Variants in FANCC observed in about 807,000 individuals in gnomAD.
FANCC encodes Fanconi anemia group C protein.
A neutral mutation model predicts 71.3 loss-of-function variants in FANCC; 55 were observed. The ratio of observed to expected loss-of-function variants is 0.77; its 90% CI spans 0.62 to 0.97. The LOEUF (loss-of-function observed/expected upper bound fraction) is 0.97, where lower values mean the gene tolerates loss of function less well. Ranked by LOEUF, FANCC falls within the 50% of genes least tolerant of loss-of-function variation. FANCC has a pLI of 0.00. For missense variants in FANCC, 678 were observed against 670.9 expected, an observed-to-expected ratio of 1.01 and a Z score of -0.12; for synonymous variants, 275 against 244.9, an observed-to-expected ratio of 1.12 and a Z score of -1.15.
intron 1 of FANCC, among the ~76,000 whole-genome samples, chr9:95,297,791 C>A (rs1478228607): frequency 1.3e-5 from 2 of 152,176 alleles, no homozygotes; most frequent in East Asian, 3.9e-4. Flanking sequence ...TACTAATGGA[C>A]AAAATGTCAC....
At chr9:95,174,214 T>C (rs1417691108) in intron 4 of FANCC, among the ~76,000 whole-genome samples, 1 of 152,118 alleles carries the variant, frequency 6.6e-6, no homozygotes, top group Non-Finnish European at 1.5e-5. Context: ...CCTGTTGCTG[T>C]GCCCTCTAGA....
At chr9:95,217,041 GAAACAAACCA>G (rs1300689738) in intron 4 of FANCC, among the ~76,000 whole-genome samples, 6 of 152,142 alleles carry the variant, frequency 3.9e-5, no homozygotes, top group African/African-American at 1.4e-4. Flanking sequence ...AACAATTACT[GAAACAAACCA>G]AATTCAGAAC....
intron 4 of FANCC, among the ~76,000 whole-genome samples, chr9:95,176,489 T>C (rs1588229052): frequency 6.6e-6 from 1 of 152,236 alleles, no homozygotes; most frequent in Non-Finnish European, 1.5e-5. Flanking sequence ...CCCCTCTGCC[T>C]GGGGAGCTCT....
intron 4 of FANCC, among the ~76,000 whole-genome samples, chr9:95,229,884 C>T (rs1829886677): frequency 6.6e-6 from 1 of 151,824 alleles, no homozygotes; most frequent in South Asian, 2.1e-4. Flanking sequence ...GGTAGTCTTA[C>T]CTTTTAGAAA....
intron 4 of FANCC, among the ~76,000 whole-genome samples, chr9:95,204,585 C>T (rs1020076364): frequency 1.3e-5 from 2 of 152,172 alleles, no homozygotes; most frequent in African/African-American, 4.8e-5. Flanking sequence ...AGACTAAACA[C>T]TTAGTCATAA....
At chr9:95,294,549 C>A (rs1264541046) in intron 1 of FANCC, 14 of 1,541,820 alleles carry the variant, frequency 9.1e-6, no homozygotes, top group Non-Finnish European at 1.1e-5. Flanking sequence ...ATTCATCTGA[C>A]ACAGAGACAC....
chr9:95,101,507 G>T lies in FANCC; in HGVS notation c.*200C>A. The stretch of plus-strand genomic sequence containing the variant: ...ACTTGAGTCATTAGTGAACATGTCT[G>T]ACTGAGTCTGGGCTGAGGGACCTGG... On this transcript the variant is annotated 3_prime_UTR_variant, in exon 15 of 15. Coordinates refer to ENST00000289081, the MANE Select transcript of FANCC (RefSeq NM_000136.3). 1.5e-6 allele frequency: 1 copy of T among 657,056 alleles called. No homozygotes were observed. The highest frequency in any genetic ancestry group is 2.6e-6 in the Non-Finnish European group (1 of 379,598). 40.7% of individuals were successfully genotyped at this position (657,056 alleles called of 1,614,324 possible). A position where few individuals can be genotyped will look rare whatever the true frequency, so the allele number is the denominator to read the frequency against.
chr9:95,266,331 T>C (rs374538948), intron 1 of FANCC, among the ~76,000 whole-genome samples: 2 of 152,170 alleles, frequency 1.3e-5, no homozygotes, highest in Non-Finnish European at 2.9e-5. Context: ...GCGTGATCAA[T>C]GATGCAGTCA....
chr9:95,180,631 A>G (rs1384944805), intron 4 of FANCC, among the ~76,000 whole-genome samples: 1 of 150,978 alleles, frequency 6.6e-6, no homozygotes, highest in African/African-American at 2.4e-5. Flanking sequence ...GAGCCACCAC[A>G]TCTGGCCAAC....
intron 4 of FANCC, 28 bp downstream of exon 4, chr9:95,240,621 A>G: frequency 6.6e-7 from 1 of 1,505,778 alleles, no homozygotes; most frequent in South Asian, 1.1e-5. Flanking sequence ...TAATTCAAAG[A>G]AGTGCAGAGC....
Position 95,099,615 on chromosome 9 carries a change from C to A in FANCC, c.*2092G>T, listed in dbSNP as rs916378062. On this transcript the variant is annotated 3_prime_UTR_variant, in exon 15 of 15. Transcript: ENST00000289081. The stretch of plus-strand genomic sequence containing the variant: ...CCCCCAGCTCCCCACCTTTGAGCAT[C>A]TCTCAGGCTGGGAAAGGGCAAAGGG... 4 of 231,188 alleles carry A rather than the reference C, an allele frequency of 1.7e-5. No homozygotes were observed. Among genetic ancestry groups the A allele is most frequent in the African/African-American group, 6.7e-5 (3 of 45,096 alleles). 14.3% of individuals were successfully genotyped at this position (231,188 alleles called of 1,614,324 possible).
intron 1 of FANCC, among the ~76,000 whole-genome samples, chr9:95,311,088 C>A: frequency 6.6e-6 from 1 of 151,830 alleles, no homozygotes; most frequent in East Asian, 1.9e-4. Context: ...AACAAAAATA[C>A]AAAAAATTAG....
chr9:95,279,947 CAAAAAAAAA>C (rs71498957), intron 1 of FANCC, among the ~76,000 whole-genome samples: 739 of 64,820 alleles, frequency 0.011, 32 homozygotes, highest in Admixed American at 0.11. Context: ...GACTCTGTCT[CAAAAAAAAA>C]AAAAAAAAAA....
At position 95,114,704 on chromosome 9, in the gene FANCC, G is replaced by A. The variant is rs730881721; in HGVS notation, c.1079C>T (p.Pro360Leu). 2 of 1,613,992 alleles carry A rather than the reference G, an allele frequency of 1.2e-6. No homozygotes were observed. The highest frequency in any genetic ancestry group is 2.2e-5 in the East Asian group (1 of 44,890). ...CAGTGTCTGGAGCCAGTGTCCCCGAGGGATATCTGCGGGTGGAGAGAGATA... is the reference window on the plus strand; with the variant it reads ...CAGTGTCTGGAGCCAGTGTCCCCGAAGGATATCTGCGGGTGGAGAGAGATA... ...MVLLQDPQDIPRGHWLQTLKH... is the reference protein window; with the variant it reads ...MVLLQDPQDILRGHWLQTLKH... Residue 360 changes from proline (P) to leucine (L), a missense_variant, in exon 12 of 15, where the codon CCT (proline) becomes CTT (leucine). Pro to Leu is a moderately conservative substitution (Grantham distance 98). Transcript: ENST00000289081.
Position 95,101,843 on chromosome 9 carries a change from T to C in FANCC, c.1541A>G (p.His514Arg). Reference protein sequence around the residue: ...IAWDVITLMAHTAEITHEIIG... With the variant: ...IAWDVITLMARTAEITHEIIG... ...GATCTCGTGAGTTATCTCAGCAGTG[T>C]GAGCCATCTGCAATCAGGACAGAAG... Residue 514 changes from histidine to arginine, a missense_variant, in exon 15 of 15, where the codon CAC becomes CGC. By Grantham distance (29) the His-to-Arg change is conservative (BLOSUM62 0). Coordinates refer to ENST00000289081, the MANE Select transcript of FANCC (RefSeq NM_000136.3). 6.2e-7 allele frequency: 1 copy of C among 1,613,962 alleles called. No homozygotes were observed. The highest frequency in any genetic ancestry group is 8.5e-7 in the Non-Finnish European group (1 of 1,179,956).
intron 4 of FANCC, among the ~76,000 whole-genome samples, chr9:95,209,643 C>T (rs1828369635): frequency 6.6e-6 from 1 of 152,202 alleles, no homozygotes; most frequent in African/African-American, 2.4e-5. Context: ...TAAATGGCAA[C>T]TTGATGTAAA....
rs762660689 is a variant in FANCC at position 95,249,309 on chromosome 9, G to C, written c.-18C>G. On this transcript the variant is annotated 5_prime_UTR_variant, in exon 2 of 15. Transcript: ENST00000289081. ...TGAGCCATCTTGGAAAAAGCGAAAA[G>C]GTGATGTCCCTTCACAGCAGCCTGT... The C allele has an allele frequency of 3.2e-5, 52 of 1,613,450 alleles. No individual in the cohort carries two copies. The highest frequency in any genetic ancestry group is 4.2e-5 in the Non-Finnish European group (50 of 1,179,818).
chr9:95,316,948 AG>A (rs1835782470), intron 1 of FANCC: 1 of 152,016 alleles, frequency 6.6e-6, no homozygotes, highest in South Asian at 2.1e-4. Context: ...GGAGGGCGGG[AG>A]GGGTAACAGC....
intron 4 of FANCC, among the ~76,000 whole-genome samples, chr9:95,184,075 A>G (rs1717957369): frequency 1.3e-5 from 2 of 152,082 alleles, no homozygotes; most frequent in African/African-American, 2.4e-5. Context: ...CCATGACCAT[A>G]TAAAATACTT....
Sources: allele counts gnomAD v4.1 joint callset (sites outside exome capture counted in the v4.1 genomes callset), GRCh38; gene constraint gnomAD v4.1.1; transcripts MANE v1.5; gene names NCBI Gene and HGNC (gene_info 2026-07-23, HGNC 2026-07-21).